ZNF713: variants seen among roughly 807,000 people sequenced by gnomAD.
The protein encoded by ZNF713 is zinc finger protein 713.
A neutral mutation model predicts 28.7 loss-of-function variants in ZNF713; 21 were observed. The ratio of observed to expected loss-of-function variants is 0.73; its 90% confidence interval spans 0.52 to 1.05. ZNF713 has a LOEUF of 1.05. Ranked by LOEUF, ZNF713 falls within the 50% of genes least tolerant of loss-of-function variation. The probability of loss-of-function intolerance (pLI) is 0.00; values close to 1 mark genes in which losing one functional copy is unlikely to be tolerated. For missense variants in ZNF713, 458 were observed against 532.4 expected (o/e 0.86, Z 1.37); for synonymous variants, 167 against 178.0 (o/e 0.94, Z 0.49).
chr7:55,890,881 G>T (rs1219630976), intron 1 of ZNF713, among the ~76,000 whole-genome samples: 5 of 151,780 alleles, frequency 3.3e-5, no homozygotes, highest in African/African-American at 1.2e-4. Flanking sequence ...AGCTGGGCGT[G>T]GTGGCACGTG....
chr7:55,919,087 A>C (rs1785937034), intron 4 of ZNF713, among the ~76,000 whole-genome samples: 1 of 152,208 alleles, frequency 6.6e-6, no homozygotes, highest in African/African-American at 2.4e-5. Flanking sequence ...TGAAAGTGCC[A>C]ACTGGCAGTT....
At chr7:55,906,053 G>A (rs1383177481) in intron 1 of ZNF713, 200 bp from the exon 2 acceptor site, 1 of 150,688 alleles carries the variant, frequency 6.6e-6, no homozygotes, top group Non-Finnish European at 1.5e-5. Flanking sequence ...AGTGAGCTGA[G>A]ATCGCACCAC....
intron 4 of ZNF713, among the ~76,000 whole-genome samples, chr7:55,921,919 CTTTTG>C: frequency 6.6e-6 from 1 of 152,114 alleles, no homozygotes; most frequent in South Asian, 2.1e-4. Flanking sequence ...TTATTGCTGT[CTTTTG>C]TTTGTTTGTT....
chr7:55,929,981 G>C (rs946873797), intron 6 of ZNF713, among the ~76,000 whole-genome samples: 2 of 152,014 alleles, frequency 1.3e-5, no homozygotes, highest in East Asian at 3.9e-4. Context: ...TTTCAACTTA[G>C]GTCAAAAGAG....
chr7:55,904,454 C>G (rs148272624), intron 1 of ZNF713, among the ~76,000 whole-genome samples: 5 of 90,410 alleles, frequency 5.5e-5, no homozygotes, highest in Non-Finnish European at 1.0e-4. Context: ...CAGAGCCAGA[C>G]TGTATCTTTA....
intron 1 of ZNF713, among the ~76,000 whole-genome samples, chr7:55,892,372 G>A (rs1402057613): frequency 6.6e-6 from 1 of 151,140 alleles, no homozygotes; most frequent in Non-Finnish European, 1.5e-5. Context: ...ACTCAAGCTT[G>A]GTGTTCAGGG....
intron 6 of ZNF713, 113 bp from the exon 7 acceptor site, chr7:55,938,869 G>A (rs758298057): frequency 8.2e-5 from 93 of 1,129,138 alleles, no homozygotes; most frequent in Non-Finnish European, 9.2e-5. Context: ...TGTATGCCTT[G>A]TACACATTAC....
chr7:55,890,334 C>T (rs887510219), intron 1 of ZNF713, among the ~76,000 whole-genome samples: 2 of 151,556 alleles, frequency 1.3e-5, no homozygotes, highest in African/African-American at 2.4e-5. Flanking sequence ...CCTGTAATCC[C>T]AGCAACTTGG....
Position 55,939,355 on chromosome 7 carries a change from A to T in ZNF713, c.681A>T (p.Gly227=). The change falls in exon 7 of 7, where the codon GGA becomes GGT. Residue 227 remains glycine, a synonymous_variant. Transcript: ENST00000429591. ...KHNSDLIYYQ[G]NYVRETPYEY... is the part of the protein sequence containing the mutation. The stretch of plus-strand genomic sequence containing the variant: ...ATTCAGACTTGATTTACTATCAGGG[A>T]AATTATGTAAGAGAGACTCCCTATG... 1.2e-6 allele frequency: 2 copies of T among 1,614,016 alleles called. No homozygotes were observed. The highest frequency in any genetic ancestry group is 1.7e-6 in the Non-Finnish European group (2 of 1,180,010).
In ZNF713 at chr7:55,942,076, CAG is replaced by C. The variant is rs916328068; in HGVS notation, c.*2074_*2075del. 1.3e-4 allele frequency: 19 copies of C among 151,842 alleles called. No homozygotes were observed. The highest frequency in any genetic ancestry group is 3.4e-3 in the Middle Eastern group (1 of 294). The allele number at this position is 151,842 out of a possible 1,614,324, so 9.4% of individuals were successfully genotyped here. On this transcript the variant is annotated 3_prime_UTR_variant, in exon 7 of 7. Transcript: ENST00000429591. ...TTTTGGGATTTTGTAAAATAATGAC[CAG>C]AGACTAAGAATTCCCATGCCACCCC... is the stretch of plus-strand genomic sequence containing the variant.
At chr7:55,908,632 T>C (rs1785730320) in intron 2 of ZNF713, among the ~76,000 whole-genome samples, 1 of 152,114 alleles carries the variant, frequency 6.6e-6, no homozygotes, top group Non-Finnish European at 1.5e-5. Context: ...TTGTAGATTC[T>C]AGATATTAGT....
chr7:55,917,948 G>A, intron 4 of ZNF713: 1 of 437,672 alleles, frequency 2.3e-6, no homozygotes, highest in South Asian at 1.6e-5. Context: ...CTGCTGGTGT[G>A]AATGTGACAG....
Position 55,923,200 on chromosome 7 carries a change from C to T in ZNF713, c.126C>T (p.Thr42=). ...TTCAGGATGTGGCCGTGGACTTCAC[C>T]AGAGAGGAGTGGGACCAGCTGTACC... ...LTFQDVAVDF[T]REEWDQLYPA... The change falls in exon 5 of 7, where the codon ACC becomes ACT. Residue 42 remains threonine, a synonymous_variant. Transcript: ENST00000429591. 1 of 1,613,370 alleles carries T rather than the reference C, an allele frequency of 6.2e-7. No homozygotes were observed. The highest frequency in any genetic ancestry group is 8.5e-7 in the Non-Finnish European group (1 of 1,179,694).
intron 1 of ZNF713, among the ~76,000 whole-genome samples, chr7:55,894,796 A>G (rs1255347090): frequency 6.6e-6 from 1 of 152,264 alleles, no homozygotes; most frequent in Non-Finnish European, 1.5e-5. Flanking sequence ...GGAATATATT[A>G]TGAATCTATT....
At chr7:55,901,393 A>G (rs1318097262) in intron 1 of ZNF713, among the ~76,000 whole-genome samples, 1 of 152,350 alleles carries the variant, frequency 6.6e-6, no homozygotes, top group East Asian at 1.9e-4. Flanking sequence ...GGTCCCTCCC[A>G]CAACATGTGG....
intron 4 of ZNF713, among the ~76,000 whole-genome samples, chr7:55,916,047 G>C (rs1230681785): frequency 6.6e-6 from 1 of 152,162 alleles, no homozygotes; most frequent in Admixed American, 6.6e-5. Context: ...AAACAGCAGA[G>C]ATTAGCTAAG....
chr7:55,928,679 GAAAAA>G (rs897160064), intron 6 of ZNF713, among the ~76,000 whole-genome samples: 1 of 151,956 alleles, frequency 6.6e-6, no homozygotes, highest in Non-Finnish European at 1.5e-5. Context: ...CAACTGAACT[GAAAAA>G]AATAAAACAC....
intron 1 of ZNF713, among the ~76,000 whole-genome samples, chr7:55,898,107 A>G (rs1644287853): frequency 6.6e-6 from 1 of 152,246 alleles, no homozygotes; most frequent in African/African-American, 2.4e-5. Context: ...TCAACTCAAA[A>G]TGGATTAAGG....
chr7:55,896,704 C>T (rs908975915), intron 1 of ZNF713, among the ~76,000 whole-genome samples: 1 of 151,388 alleles, frequency 6.6e-6, no homozygotes, highest in Non-Finnish European at 1.5e-5. Context: ...GTTATGTCTG[C>T]TAAGAGGGCC....
Sources: allele counts gnomAD v4.1 joint callset (sites outside exome capture counted in the v4.1 genomes callset), GRCh38; gene constraint gnomAD v4.1.1; transcripts MANE v1.5; gene names NCBI Gene and HGNC (gene_info 2026-07-23, HGNC 2026-07-21).